The following PTPRN2 variants were observed in gnomAD, a reference collection of about 807,000 sequenced individuals.
PTPRN2 encodes protein tyrosine phosphatase receptor type N2, also known as receptor-type tyrosine-protein phosphatase N2.
PTPRN2 carries 74 observed loss-of-function variants against 118.8 expected under a neutral mutation model. The observed-to-expected ratio is 0.62, with a 90% CI of 0.52 to 0.76. The LOEUF is 0.76. Among genes scored for constraint, PTPRN2 ranks in the 30% least tolerant of loss-of-function variants. The probability of loss-of-function intolerance (pLI) is 0.00; values close to 1 mark genes in which losing one functional copy is unlikely to be tolerated. For missense variants in PTPRN2, 1,481 were observed against 1,394.4 expected (o/e 1.06, Z -0.99); for synonymous variants, 641 against 608.0 (o/e 1.05, Z -0.80).
chr7:158,307,248 C>T (rs1330043598), intron 3 of PTPRN2, among the ~76,000 whole-genome samples: 1 of 152,090 alleles, frequency 6.6e-6, no homozygotes, highest in East Asian at 1.9e-4. Context: ...AATAGTGTCT[C>T]ATCAAATAGA....
intron 11 of PTPRN2, among the ~76,000 whole-genome samples, chr7:157,945,543 C>T (rs1349338467): frequency 3.3e-5 from 5 of 152,166 alleles, no homozygotes; most frequent in African/African-American, 7.2e-5. Flanking sequence ...GTCTCCAACT[C>T]GGACAATGGC....
At chr7:158,127,855 G>T (rs1386551138) in intron 9 of PTPRN2, among the ~76,000 whole-genome samples, 1 of 152,196 alleles carries the variant, frequency 6.6e-6, no homozygotes, top group Non-Finnish European at 1.5e-5. Flanking sequence ...TCATTTTAAA[G>T]TTGTCCTTGG....
chr7:157,730,544 G>T (rs1388219211), intron 12 of PTPRN2, among the ~76,000 whole-genome samples: 1 of 152,116 alleles, frequency 6.6e-6, no homozygotes, highest in African/African-American at 2.4e-5. Flanking sequence ...ATAAAGGCTG[G>T]GCCATTTCCC....
chr7:158,068,728 C>T (rs766608994), intron 11 of PTPRN2, among the ~76,000 whole-genome samples: 3 of 152,178 alleles, frequency 2.0e-5, no homozygotes, highest in African/African-American at 2.4e-5. Flanking sequence ...TCATTTTGGT[C>T]GGTCAAGGGC....
chr7:158,448,478 G>A (rs1346059819), intron 2 of PTPRN2, among the ~76,000 whole-genome samples: 1 of 152,082 alleles, frequency 6.6e-6, no homozygotes, highest in East Asian at 2.0e-4. Flanking sequence ...TCTGGGCAGC[G>A]CTGCAGTGCA....
At chr7:158,376,142 G>A (rs1224839165) in intron 2 of PTPRN2, among the ~76,000 whole-genome samples, 1 of 152,142 alleles carries the variant, frequency 6.6e-6, no homozygotes. Flanking sequence ...GAGCCCAAAA[G>A]CACTCACCCC....
At chr7:158,089,270 G>C (rs1382312748) in intron 10 of PTPRN2, among the ~76,000 whole-genome samples, 2 of 20,748 alleles carry the variant, frequency 9.6e-5, no homozygotes, top group African/African-American at 1.9e-4. Context: ...CCTCCCCTGA[G>C]GAAAGAGGGA....
intron 1 of PTPRN2, among the ~76,000 whole-genome samples, chr7:158,521,750 G>A (rs111773703): frequency 0.026 from 1,067 of 41,474 alleles, 11 homozygotes; most frequent in Non-Finnish European, 0.032. Flanking sequence ...TGGACTGTCC[G>A]GGTAGTGGCT....
At chr7:158,024,739 TGGC>T (rs1807141981) in intron 11 of PTPRN2, among the ~76,000 whole-genome samples, 3 of 152,222 alleles carry the variant, frequency 2.0e-5, no homozygotes, top group Admixed American at 6.5e-5. Flanking sequence ...AAGGCCAGCT[TGGC>T]AGGAGCTGAT....
intron 2 of PTPRN2, among the ~76,000 whole-genome samples, chr7:158,365,873 G>T (rs938939438): frequency 1.9e-5 from 2 of 105,250 alleles, no homozygotes; most frequent in Non-Finnish European, 3.9e-5. Flanking sequence ...GCATCCCTGG[G>T]AGAAGCCGCA....
chr7:157,607,039 A>G (rs1370958972), intron 15 of PTPRN2, among the ~76,000 whole-genome samples: 1 of 152,246 alleles, frequency 6.6e-6, no homozygotes, highest in Non-Finnish European at 1.5e-5. Flanking sequence ...GAATGTCATG[A>G]AGCTGCAAGT....
At position 158,019,459 on chromosome 7, in the gene PTPRN2, C is replaced by T. The variant is rs543336365; in HGVS notation, c.1723+61839G>A. Among the ~76,000 whole-genome samples the T allele has an allele frequency of 3.3e-5, 5 of 152,340 alleles. No homozygotes were observed. In the East Asian group the frequency reaches 9.6e-4, roughly 29 times the overall value. On this transcript the variant is annotated intron_variant, in intron 11 of 22. Transcript: ENST00000389418. ...GAGCTGGAGTGACCGTGTCAGACAG[C>T]GCGGTAGAGGCCAGGGATGGGGCTG...
At chr7:157,956,447 C>T (rs1801192565) in intron 11 of PTPRN2, among the ~76,000 whole-genome samples, 1 of 152,248 alleles carries the variant, frequency 6.6e-6, no homozygotes, top group Admixed American at 6.5e-5. Flanking sequence ...GGCTGGGTCC[C>T]TGGCTGAAGA....
chr7:158,108,165 C>T (rs1227863449), intron 10 of PTPRN2, among the ~76,000 whole-genome samples: 1 of 151,806 alleles, frequency 6.6e-6, no homozygotes, highest in East Asian at 1.9e-4. Context: ...ACCTGGATGT[C>T]TGCATGAGCC....
At chr7:157,685,713 G>C (rs1325588496) in intron 12 of PTPRN2, among the ~76,000 whole-genome samples, 7 of 152,198 alleles carry the variant, frequency 4.6e-5, no homozygotes, top group Non-Finnish European at 1.5e-5. Flanking sequence ...GCCTCCCTTG[G>C]CGCGCTTGGA....
At chr7:157,756,220 G>A (rs1801768649) in intron 12 of PTPRN2, among the ~76,000 whole-genome samples, 1 of 152,122 alleles carries the variant, frequency 6.6e-6, no homozygotes, top group Admixed American at 6.5e-5. Flanking sequence ...ATGAATGAGT[G>A]AATAATGAAG....
At chr7:157,875,342 TTCC>T (rs975398176) in intron 12 of PTPRN2, among the ~76,000 whole-genome samples, 5 of 152,194 alleles carry the variant, frequency 3.3e-5, no homozygotes, top group African/African-American at 1.2e-4. Flanking sequence ...GCGTGAGGGC[TTCC>T]TCCTATCAGC....
chr7:157,821,057 T>C (rs1563143624), intron 12 of PTPRN2, among the ~76,000 whole-genome samples: 1 of 152,160 alleles, frequency 6.6e-6, no homozygotes, highest in Non-Finnish European at 1.5e-5. Context: ...CCAGGCATAC[T>C]GGACAGCTTG....
chr7:157,847,683 T>C (rs981863132), intron 12 of PTPRN2, among the ~76,000 whole-genome samples: 1 of 148,056 alleles, frequency 6.8e-6, no homozygotes, highest in African/African-American at 2.5e-5. Context: ...TGCCGGATGT[T>C]TACAGATGTT....
Sources: gnomAD v4.1 joint callset for allele counts (sites outside exome capture counted in the v4.1 genomes callset) on GRCh38, gnomAD v4.1.1 for gene constraint, MANE v1.5 for transcripts, NCBI Gene and HGNC (gene_info 2026-07-23, HGNC 2026-07-21) for gene names.